The following TMEM132D variants were observed in gnomAD, a reference collection of about 807,000 sequenced individuals.
TMEM132D encodes mature OL transmembrane protein.
In TMEM132D, 21 loss-of-function variants were observed where a neutral mutation model predicts 62.3. The ratio of observed to expected loss-of-function variants is 0.34; its 90% CI spans 0.24 to 0.49. TMEM132D has a LOEUF of 0.49. TMEM132D is among the 20% of genes least tolerant of loss of function. TMEM132D has a pLI of 0.99. For missense variants in TMEM132D, 1,346 were observed against 1,402.8 expected, an observed-to-expected ratio of 0.96 and a Z score of 0.65; for synonymous variants, 621 against 575.6, an observed-to-expected ratio of 1.08 and a Z score of -1.13.
chr12:129,770,142 TG>T (rs1275370022), intron 1 of TMEM132D, among the ~76,000 whole-genome samples: 3 of 120,966 alleles, frequency 2.5e-5, no homozygotes, highest in Non-Finnish European at 3.4e-5. Flanking sequence ...TTTTTTTGGT[TG>T]TTTTTTTTTT....
rs776011458 is a variant in TMEM132D at position 129,212,843 on chromosome 12, GGTATCACCATTAAA to G, written c.1300-3194_1300-3181del. ...AATAGGCTGGATGTGGCACTGAGAA[GGTATCACCATTAAA>G]GTGAGGCTTCAGATATTTTTCCTGG... On this transcript the variant is annotated intron_variant, in intron 4 of 8. Coordinates refer to ENST00000422113, the MANE Select transcript of TMEM132D (RefSeq NM_133448.3). 4.6e-3 allele frequency among the ~76,000 whole-genome samples: 676 copies of G among 147,476 alleles called. 4 individuals are homozygous for G. The highest frequency in any genetic ancestry group is 6.4e-3 in the Non-Finnish European group (426 of 66,562).
In TMEM132D at chr12:129,117,137, A is replaced by G. The variant is rs559757546; in HGVS notation, c.1444-32435T>C. ...AGAGGAACCTTAAATACATATTACCAAGTGTAAGAAGCCAGTCTGAAATGG... is the reference window on the plus strand; with the variant it reads ...AGAGGAACCTTAAATACATATTACCGAGTGTAAGAAGCCAGTCTGAAATGG... On this transcript the variant is annotated intron_variant, in intron 5 of 8. Transcript: ENST00000422113. Among the ~76,000 whole-genome samples, 58 of 152,256 alleles carry G rather than the reference A, an allele frequency of 3.8e-4. 1 individual carries two copies. Among genetic ancestry groups the G allele is most frequent in the African/African-American group, 1.3e-3 (54 of 41,554 alleles).
intron 4 of TMEM132D, among the ~76,000 whole-genome samples, chr12:129,330,194 A>G (rs1055837214): frequency 2.0e-5 from 3 of 152,218 alleles, no homozygotes; most frequent in African/African-American, 7.2e-5. Flanking sequence ...GTGGAGGGTC[A>G]GGCCAAGAAT....
At chr12:129,834,108 G>T (rs1051326771) in intron 1 of TMEM132D, among the ~76,000 whole-genome samples, 1 of 152,162 alleles carries the variant, frequency 6.6e-6, no homozygotes, top group African/African-American at 2.4e-5. Flanking sequence ...GAGTGGCCCA[G>T]ACTTGAAACA....
Position 129,168,600 on chromosome 12 carries a change from G to A in TMEM132D, c.1443+40920C>T, listed in dbSNP as rs190392420. 2.1e-3 allele frequency among the ~76,000 whole-genome samples: 320 copies of A among 152,288 alleles called. 3 individuals carry two copies. Among genetic ancestry groups the A allele is most frequent in the African/African-American group, 7.5e-3 (311 of 41,570 alleles). On this transcript the variant is annotated intron_variant, in intron 5 of 8. Coordinates refer to ENST00000422113, the MANE Select transcript of TMEM132D (RefSeq NM_133448.3). ...CACCTGTATTGTGGTTCCCAGAGCT[G>A]TGATGGACCCTCAAGTTCACCTCCC... is the stretch of plus-strand genomic sequence containing the variant.
At chr12:129,320,760 G>T (rs910610509) in intron 4 of TMEM132D, among the ~76,000 whole-genome samples, 30 of 152,128 alleles carry the variant, frequency 2.0e-4, no homozygotes, top group African/African-American at 7.0e-4. Flanking sequence ...CTAGAAAAAA[G>T]AATAGTTTGG....
chr12:129,559,435 G>A (rs1877153158), intron 2 of TMEM132D, among the ~76,000 whole-genome samples: 1 of 152,166 alleles, frequency 6.6e-6, no homozygotes, highest in African/African-American at 2.4e-5. Flanking sequence ...GGAGACGAGA[G>A]GTCTCGTAGA....
rs74837656 is a variant in TMEM132D, at chr12:129,591,795, G to A, written c.969-60590C>T. ...AGAGAAATGAGAAAATGTAAAACAT[G>A]AAGAATTTTGAGTTTGAGAGTGTAG... On this transcript the variant is annotated intron_variant, in intron 2 of 8. Transcript: ENST00000422113. Among the ~76,000 whole-genome samples, 57 of 152,138 alleles carry A rather than the reference G, an allele frequency of 3.7e-4. No individual in the cohort carries two copies. The East Asian group carries it at 0.011, about 29-fold the overall frequency.
chr12:129,245,014 A>T (rs936715300), intron 4 of TMEM132D, among the ~76,000 whole-genome samples: 1 of 152,212 alleles, frequency 6.6e-6, no homozygotes. Context: ...TTCTAAGCCC[A>T]TATTCTTTTA....
chr12:129,579,812 T>C (rs1331306246), intron 2 of TMEM132D, among the ~76,000 whole-genome samples: 1 of 152,170 alleles, frequency 6.6e-6, no homozygotes. Context: ...CCAGAAGCAA[T>C]ACTTTACATC....
intron 2 of TMEM132D, among the ~76,000 whole-genome samples, chr12:129,693,882 C>T (rs1410244304): frequency 6.6e-6 from 1 of 152,112 alleles, no homozygotes. Context: ...GCATGTGCAC[C>T]CAGAGGACCT....
chr12:129,703,998 G>C (rs1179781105), intron 1 of TMEM132D, among the ~76,000 whole-genome samples: 1 of 151,358 alleles, frequency 6.6e-6, no homozygotes, highest in Non-Finnish European at 1.5e-5. Context: ...AGAATTACTG[G>C]GACTCACAAG....
intron 8 of TMEM132D, among the ~76,000 whole-genome samples, chr12:129,076,090 A>ACTCT (rs145321381): frequency 8.6e-5 from 13 of 151,504 alleles, no homozygotes; most frequent in African/African-American, 2.2e-4. Context: ...AGCCAGCATT[A>ACTCT]CTCTCTCTCT....
chr12:129,179,844 A>G (rs772606418), intron 5 of TMEM132D, among the ~76,000 whole-genome samples: 1 of 152,048 alleles, frequency 6.6e-6, no homozygotes, highest in Non-Finnish European at 1.5e-5. Context: ...CCTGGCCAAC[A>G]TGGCGAAACT....
intron 3 of TMEM132D, among the ~76,000 whole-genome samples, chr12:129,527,900 A>G (rs1876095206): frequency 6.6e-6 from 1 of 152,232 alleles, no homozygotes; most frequent in African/African-American, 2.4e-5. Flanking sequence ...TTAAACTTAG[A>G]TAAGAGATCT....
chr12:129,261,257 T>C (rs949681372), intron 4 of TMEM132D, among the ~76,000 whole-genome samples: 11 of 152,200 alleles, frequency 7.2e-5, no homozygotes, highest in African/African-American at 2.4e-4. Flanking sequence ...TCATCTTGAA[T>C]TGTAGCTCCC....
chr12:129,600,750 C>G (rs993438352), intron 2 of TMEM132D, among the ~76,000 whole-genome samples: 1 of 152,106 alleles, frequency 6.6e-6, no homozygotes. Context: ...TTTTTCTGAG[C>G]AACAGATCTC....
intron 2 of TMEM132D, among the ~76,000 whole-genome samples, chr12:129,567,523 G>A (rs1054610700): frequency 2.0e-5 from 3 of 152,162 alleles, no homozygotes; most frequent in African/African-American, 7.2e-5. Flanking sequence ...AGGCTGAATA[G>A]TCTAACTATA....
chr12:129,339,600 G>T (rs1869402719), intron 3 of TMEM132D, among the ~76,000 whole-genome samples: 1 of 152,132 alleles, frequency 6.6e-6, no homozygotes, highest in Non-Finnish European at 1.5e-5. Flanking sequence ...CATAAGAAAA[G>T]AATGCCACTG....
Sources: gnomAD v4.1 joint callset for allele counts (sites outside exome capture counted in the v4.1 genomes callset) on GRCh38, gnomAD v4.1.1 for gene constraint, MANE v1.5 for transcripts, NCBI Gene and HGNC (gene_info 2026-07-23, HGNC 2026-07-21) for gene names.